Variants in USO1 observed in about 807,000 individuals in gnomAD.
USO1 encodes the protein USO1 vesicle transport factor.
In USO1, 57 loss-of-function variants were observed where a neutral mutation model predicts 124.5. The observed-to-expected ratio is 0.46, with a 90% confidence interval of 0.37 to 0.57. USO1 has a LOEUF of 0.57. USO1 is among the 20% of genes least tolerant of loss of function. USO1 has a pLI of 0.00. For synonymous variants in USO1, 369 were observed against 362.8 expected, an observed-to-expected ratio of 1.02 and a Z score of -0.19; for missense variants, 900 against 1,040.6, an observed-to-expected ratio of 0.86 and a Z score of 1.86.
At chr4:75,762,330 A>T (rs994838985) in intron 4 of USO1, among the ~76,000 whole-genome samples, 6 of 151,520 alleles carry the variant, frequency 4.0e-5, no homozygotes, top group Non-Finnish European at 8.8e-5. Flanking sequence ...CACCCAGCTA[A>T]TTTTTGTATT....
intron 1 of USO1, among the ~76,000 whole-genome samples, chr4:75,732,354 T>G (rs2149137504): frequency 6.6e-6 from 1 of 152,356 alleles, no homozygotes; most frequent in East Asian, 1.9e-4. Context: ...CTTTTTCATG[T>G]CGACATAGTA....
chr4:75,811,614 T>TAA (rs2149197660), intron 22 of USO1, among the ~76,000 whole-genome samples: 1 of 152,268 alleles, frequency 6.6e-6, no homozygotes, highest in Non-Finnish European at 1.5e-5. Context: ...GACATCAGAA[T>TAA]AAATAGCATG....
chr4:75,812,070 T>G, intron 22 of USO1, 90 bp from the exon 23 acceptor site: 1 of 1,527,000 alleles, frequency 6.5e-7, no homozygotes, highest in Non-Finnish European at 8.8e-7. Context: ...ACAAGTACAG[T>G]GATTTGTCAT....
chr4:75,737,862 C>G (rs575075108), intron 1 of USO1, among the ~76,000 whole-genome samples: 1 of 151,912 alleles, frequency 6.6e-6, no homozygotes, highest in South Asian at 2.1e-4. Context: ...GAATCTTGCT[C>G]TGTCACCGAG....
chr4:75,801,223 T>C, intron 17 of USO1, 23 bp downstream of exon 17: 2 of 1,541,912 alleles, frequency 1.3e-6, no homozygotes, highest in Admixed American at 2.2e-5. Context: ...GAACTGTATA[T>C]ACCCTCTGAT....
chr4:75,799,558 G>C (rs1172747957), intron 13 of USO1, 64 bp from the exon 14 acceptor site: 5 of 1,575,156 alleles, frequency 3.2e-6, no homozygotes, highest in Non-Finnish European at 4.3e-6. Context: ...GGGATCTTAG[G>C]GCAACTTTAA....
intron 4 of USO1, among the ~76,000 whole-genome samples, chr4:75,764,984 A>G (rs373739258): frequency 3.3e-5 from 5 of 152,140 alleles, no homozygotes; most frequent in Admixed American, 1.3e-4. Context: ...ACTCACTCAC[A>G]TTACTGTCTT....
At position 75,724,947 on chromosome 4, in the gene USO1, C is replaced by T. The variant is rs1223069933; in HGVS notation, c.66+62C>T. 16 of 1,580,568 alleles carry T rather than the reference C, an allele frequency of 1.0e-5. No homozygotes were observed. In the East Asian group the frequency reaches 3.2e-4, roughly 31 times the overall value. ...TCCGGGCAGGGACGGGGACGGAGCA[C>T]TCGGAGACCCGAAGGTCACCTCCAG... On this transcript the variant is annotated intron_variant, in intron 1 of 23. Transcript: ENST00000514213.
rs573760552 is a variant in USO1 at position 75,742,255 on chromosome 4, G to A, written c.67-10118G>A. 4.6e-5 allele frequency among the ~76,000 whole-genome samples: 7 copies of A among 152,250 alleles called. No homozygotes were observed. The South Asian group carries it at 1.5e-3, about 32-fold the overall frequency. Reference sequence around the variant, plus strand: ...GTCTGTGCCATACTTTCATAAGCCTGGCAGTGCAGTGGGTTTGTTTACACC... The same window carrying A: ...GTCTGTGCCATACTTTCATAAGCCTAGCAGTGCAGTGGGTTTGTTTACACC... On this transcript the variant is annotated intron_variant, in intron 1 of 23. Transcript: ENST00000514213.
intron 22 of USO1, 101 bp downstream of exon 22, chr4:75,810,640 AT>A (rs1723121006): frequency 7.7e-7 from 1 of 1,303,116 alleles, no homozygotes; most frequent in African/African-American, 1.5e-5. Context: ...AAGAAAGCTA[AT>A]GATGTGTAAT....
chr4:75,739,657 C>T (rs1720901114), intron 1 of USO1, among the ~76,000 whole-genome samples: 1 of 150,942 alleles, frequency 6.6e-6, no homozygotes, highest in South Asian at 2.1e-4. Flanking sequence ...AGTGATTCTC[C>T]TGCCTCACCC....
intron 1 of USO1, among the ~76,000 whole-genome samples, chr4:75,741,007 C>T (rs193233212): frequency 3.7e-4 from 56 of 152,212 alleles, no homozygotes; most frequent in Admixed American, 3.7e-3. Context: ...AGCTCAGTGT[C>T]GGGGCTAAAT....
At chr4:75,810,342 C>CA in intron 21 of USO1, 90 bp from the exon 22 acceptor site, 14 of 1,387,894 alleles carry the variant, frequency 1.0e-5, no homozygotes, top group Non-Finnish European at 1.3e-5. Context: ...AGTAAAATAT[C>CA]AAAATGGCAA....
chr4:75,768,747 A>G (rs898692526), intron 4 of USO1, among the ~76,000 whole-genome samples: 1 of 152,228 alleles, frequency 6.6e-6, no homozygotes, highest in Non-Finnish European at 1.5e-5. Flanking sequence ...ACCATTAAGT[A>G]TGATGTTAGC....
intron 18 of USO1, among the ~76,000 whole-genome samples, chr4:75,804,590 T>G (rs1184163464): frequency 2.6e-5 from 4 of 152,204 alleles, no homozygotes; most frequent in Non-Finnish European, 5.9e-5. Flanking sequence ...GTGTTTCTGA[T>G]TTAATAAATC....
At chr4:75,789,971 A>G (rs1225802953) in intron 10 of USO1, among the ~76,000 whole-genome samples, 179 bp from the exon 11 acceptor site, 2 of 152,032 alleles carry the variant, frequency 1.3e-5, no homozygotes, top group South Asian at 2.1e-4. Context: ...AAAGTGGGAT[A>G]TAAGATTTTT....
chr4:75,782,646 G>A, intron 8 of USO1, 34 bp from the exon 9 acceptor site: 2 of 1,520,026 alleles, frequency 1.3e-6, no homozygotes, highest in Non-Finnish European at 1.8e-6. Context: ...GGTTTTACGA[G>A]CCTTAACGCT....
At chr4:75,750,731 C>A (rs1721277613) in intron 1 of USO1, among the ~76,000 whole-genome samples, 1 of 74,814 alleles carries the variant, frequency 1.3e-5, no homozygotes. Flanking sequence ...GATCCACCCA[C>A]CTCGACCTCC....
intron 8 of USO1, among the ~76,000 whole-genome samples, chr4:75,781,226 C>T (rs959475720): frequency 4.6e-5 from 7 of 152,072 alleles, no homozygotes; most frequent in African/African-American, 1.7e-4. Context: ...GTATAAATAA[C>T]AGGAGAATTA....
Sources: gnomAD v4.1 joint callset for allele counts (sites outside exome capture counted in the v4.1 genomes callset) on GRCh38, gnomAD v4.1.1 for gene constraint, MANE v1.5 for transcripts, NCBI Gene and HGNC (gene_info 2026-07-23, HGNC 2026-07-21) for gene names.